COX15: variants seen among roughly 807,000 people sequenced by gnomAD.
COX15 encodes cytochrome c oxidase assembly factor COX15, also known as heme A synthase COX15.
In COX15, 51 loss-of-function variants were observed where a neutral mutation model predicts 51.9. That is an observed-to-expected ratio of 0.98 (90% CI 0.78 to 1.24). COX15 has a LOEUF of 1.24. COX15 is among the 50% of genes most tolerant of loss of function. The pLI is 0.00. For synonymous variants in COX15, 188 were observed against 190.5 expected, an observed-to-expected ratio of 0.99 and a Z score of 0.11; for missense variants, 420 against 501.1, an observed-to-expected ratio of 0.84 and a Z score of 1.55.
chr10:99,716,317 T>C (rs1303695106), intron 8 of COX15, 31 bp downstream of exon 8: 2 of 1,463,156 alleles, frequency 1.4e-6, no homozygotes, highest in Admixed American at 3.3e-5. Flanking sequence ...GTATTGGGGA[T>C]ACTGTCAGAA....
intron 7 of COX15, among the ~76,000 whole-genome samples, chr10:99,717,903 C>G (rs2036625841): frequency 6.6e-6 from 1 of 152,172 alleles, no homozygotes; most frequent in African/African-American, 2.4e-5. Flanking sequence ...AAAACATATT[C>G]GCTTAAATAG....
At chr10:99,701,059 G>GT in the COX15 span, 6 of 1,612,926 alleles carry the variant, frequency 3.7e-6, no homozygotes, top group Admixed American at 1.0e-4. Flanking sequence ...ATCGACTCAA[G>GT]TAAGTTACTT....
At position 99,731,801 on chromosome 10, in the gene COX15, G is replaced by A. The variant is rs116792863; in HGVS notation, c.90+159C>T. Among the ~76,000 whole-genome samples, 757 of 152,338 alleles carry A rather than the reference G, an allele frequency of 5.0e-3. 3 individuals carry two copies. The highest frequency in any genetic ancestry group is 0.018 in the African/African-American group (741 of 41,576). On this transcript the variant is annotated intron_variant, in intron 1 of 8. Transcript: ENST00000016171. ...GGCCAATACCACACAGCAGGTCAAT[G>A]TTCCAGATCTGAACCTAGGGGCTCT...
At chr10:99,708,578 A>C (rs187098040), downstream of COX15, among the ~76,000 whole-genome samples, 81 of 152,322 alleles carry the variant, frequency 5.3e-4, no homozygotes, top group Admixed American at 1.8e-3. Context: ...AGGTAGAAAA[A>C]TCATATGATT....
In COX15 at chr10:99,714,558, A is replaced by G; in HGVS notation, c.*29T>C. 1 of 1,613,888 alleles carries G rather than the reference A, an allele frequency of 6.2e-7. No individual in the cohort carries two copies. The highest frequency in any genetic ancestry group is 1.3e-5 in the African/African-American group (1 of 75,050). On this transcript the variant is annotated 3_prime_UTR_variant, in exon 9 of 9. Transcript: ENST00000016171. ...CTCTGAAGAGCTCTCAAAAGCAGTC[A>G]CAGTCCCAGGAGGCTGGTCCTCTAA... is the stretch of plus-strand genomic sequence containing the variant.
Position 99,724,083 on chromosome 10 carries a change from T to C in COX15, c.623A>G (p.Glu208Gly). 6.2e-7 allele frequency: 1 copy of C among 1,614,128 alleles called. No individual in the cohort carries two copies. The highest frequency in any genetic ancestry group is 8.5e-7 in the Non-Finnish European group (1 of 1,180,018). Residue 208 changes from glutamate (E) to glycine (G), a missense_variant, in exon 5 of 9, where the codon GAA becomes GGA. Transcript: ENST00000016171. Reference sequence around the variant, plus strand: ...AGGGATGTCATGGGAGTCTGATTTTTCTTCTAGTCCACTTTTCACCATATA... The same window carrying C: ...AGGGATGTCATGGGAGTCTGATTTTCCTTCTAGTCCACTTTTCACCATATA... ...GWYMVKSGLE[E>G]KSDSHDIPRV...
rs373426498 is a variant in COX15, at chr10:99,713,482, A to G, written c.*1105T>C. The stretch of plus-strand genomic sequence containing the variant: ...GTAAAGTTGAATAAGACAGGGCCCT[A>G]TGAAATATCAATAGAGACCAAAATC... On this transcript the variant is annotated 3_prime_UTR_variant, in exon 9 of 9. Transcript: ENST00000016171. The G allele has an allele frequency of 3.1e-6, 5 of 1,612,254 alleles. No homozygotes were observed. The highest frequency in any genetic ancestry group is 4.5e-5 in the East Asian group (2 of 44,818).
chr10:99,698,828 C>T, the COX15 span: 1 of 1,607,114 alleles, frequency 6.2e-7, no homozygotes, highest in Non-Finnish European at 8.5e-7. Flanking sequence ...GTGGCCGCTA[C>T]CATGGGCCAA....
the COX15 span, among the ~76,000 whole-genome samples, chr10:99,697,017 CATT>C: frequency 2.0e-5 from 3 of 152,198 alleles, no homozygotes; most frequent in Non-Finnish European, 4.4e-5. Context: ...TATACTTAAC[CATT>C]TAGCTACGAA....
intron 5 of COX15, among the ~76,000 whole-genome samples, chr10:99,722,495 G>C (rs1263833133): frequency 1.3e-5 from 2 of 152,106 alleles, no homozygotes; most frequent in Non-Finnish European, 2.9e-5. Flanking sequence ...AATTCATTAA[G>C]ATGAATTCAT....
the COX15 span, chr10:99,698,740 C>CGCCT: frequency 1.2e-6 from 2 of 1,614,218 alleles, no homozygotes; most frequent in Non-Finnish European, 1.7e-6. Context: ...ATATATCAAT[C>CGCCT]GCCTATTGAC....
At chr10:99,722,753 G>A (rs565306332) in intron 5 of COX15, among the ~76,000 whole-genome samples, 2 of 152,174 alleles carry the variant, frequency 1.3e-5, no homozygotes, top group South Asian at 4.2e-4. Flanking sequence ...AGAATTGCTT[G>A]AACCCGGGAG....
At chr10:99,703,291 A>G in the COX15 span, among the ~76,000 whole-genome samples, 1 of 152,160 alleles carries the variant, frequency 6.6e-6, no homozygotes, top group African/African-American at 2.4e-5. Flanking sequence ...TGAATTTTGT[A>G]TCTTTGATGT....
the COX15 span, chr10:99,698,926 C>T: frequency 6.9e-7 from 1 of 1,445,804 alleles, no homozygotes; most frequent in Non-Finnish European, 9.4e-7. Flanking sequence ...CACTCTGTGC[C>T]AGGTGCTGTG....
chr10:99,731,096 A>T (rs186475320), intron 1 of COX15, among the ~76,000 whole-genome samples: 2,724 of 151,886 alleles, frequency 0.018, 70 homozygotes, highest in African/African-American at 0.057. Flanking sequence ...ATTTTTTTTT[A>T]AAAAAAAGGT....
At chr10:99,696,402 G>A in the COX15 span, among the ~76,000 whole-genome samples, 33 of 152,310 alleles carry the variant, frequency 2.2e-4, 1 homozygote, top group East Asian at 2.9e-3. Flanking sequence ...GGAAAAGGGA[G>A]ATGAATTAAA....
At chr10:99,730,981 G>A (rs1252954831) in intron 1 of COX15, among the ~76,000 whole-genome samples, 3 of 152,122 alleles carry the variant, frequency 2.0e-5, no homozygotes, top group East Asian at 3.9e-4. Context: ...CTTGAGGCCA[G>A]GATTTCCAAG....
At chr10:99,695,577 C>T in the COX15 span, among the ~76,000 whole-genome samples, 1 of 149,238 alleles carries the variant, frequency 6.7e-6, no homozygotes, top group Admixed American at 6.8e-5. Context: ...TGATGATCCA[C>T]AGAGTTCCTT....
the COX15 span, chr10:99,698,537 G>T: frequency 2.1e-5 from 34 of 1,612,394 alleles, no homozygotes; most frequent in Non-Finnish European, 2.9e-5. Context: ...GTGGCAGATT[G>T]CTTGGTCAGA....
Sources: allele counts gnomAD v4.1 joint callset (sites outside exome capture counted in the v4.1 genomes callset), GRCh38; gene constraint gnomAD v4.1.1; transcripts MANE v1.5; gene names NCBI Gene and HGNC (gene_info 2026-07-23, HGNC 2026-07-21).